The following KLRG2 variants were observed in gnomAD, a reference collection of about 807,000 sequenced individuals.
KLRG2 encodes the protein killer cell lectin like receptor G2.
Under a neutral mutation model 35.4 loss-of-function variants are expected in KLRG2, and 39 were observed. The observed-to-expected ratio is 1.10, with a 90% CI of 0.85 to 1.44. KLRG2 has a LOEUF of 1.44. Ranked by LOEUF, KLRG2 falls within the 40% of genes most tolerant of loss-of-function variation. KLRG2 has a pLI of 0.00. For missense variants in KLRG2, 632 were observed against 570.9 expected, an observed-to-expected ratio of 1.11 and a Z score of -1.09; for synonymous variants, 283 against 265.8, an observed-to-expected ratio of 1.06 and a Z score of -0.63.
At chr7:139,480,933 G>A (rs1051202792) in intron 1 of KLRG2, among the ~76,000 whole-genome samples, 2 of 151,848 alleles carry the variant, frequency 1.3e-5, no homozygotes, top group African/African-American at 4.8e-5. Context: ...TAGTAGAGAT[G>A]GGGTTTGACG....
the KLRG2 span, among the ~76,000 whole-genome samples, chr7:139,436,250 C>T: frequency 1.8e-4 from 27 of 152,052 alleles, 2 homozygotes; most frequent in South Asian, 4.6e-3. Flanking sequence ...TTTTTTTCCT[C>T]GAGTCTCATC....
chr7:139,472,819 G>A (rs1349045833), intron 3 of KLRG2, among the ~76,000 whole-genome samples: 1 of 152,140 alleles, frequency 6.6e-6, no homozygotes, highest in African/African-American at 2.4e-5. Context: ...AAAAAGGACC[G>A]GTTGAAAGTC....
chr7:139,481,975 T>C (rs1301389557), intron 1 of KLRG2, among the ~76,000 whole-genome samples: 1 of 151,996 alleles, frequency 6.6e-6, no homozygotes, highest in African/African-American at 2.4e-5. Context: ...ATTGGCTATC[T>C]CTTGCCCCAA....
At chr7:139,429,380 C>CTTT in the KLRG2 span, among the ~76,000 whole-genome samples, 5 of 143,218 alleles carry the variant, frequency 3.5e-5, no homozygotes, top group Non-Finnish European at 6.1e-5. Context: ...TTTTCTTTTT[C>CTTT]TTTTTCTTTT....
intron 3 of KLRG2, among the ~76,000 whole-genome samples, chr7:139,473,869 G>A (rs1796803882): frequency 6.6e-6 from 1 of 151,976 alleles, no homozygotes; most frequent in African/African-American, 2.4e-5. Context: ...AAACAAGGCA[G>A]CAAAAATGTA....
chr7:139,438,556 C>G, the KLRG2 span, among the ~76,000 whole-genome samples: 3,156 of 152,110 alleles, frequency 0.021, 140 homozygotes, highest in African/African-American at 0.071. Context: ...ATACACCGAT[C>G]GGTAGGGCTG....
At chr7:139,458,334 C>T (rs1211615050) in intron 3 of KLRG2, among the ~76,000 whole-genome samples, 1 of 151,726 alleles carries the variant, frequency 6.6e-6, no homozygotes, top group East Asian at 1.9e-4. Context: ...GCCATGATTG[C>T]ACCACTGCAC....
At chr7:139,468,786 GGTGCCCTAACCCCCA>G (rs1195110426) in intron 3 of KLRG2, among the ~76,000 whole-genome samples, 1 of 152,148 alleles carries the variant, frequency 6.6e-6, no homozygotes, top group Non-Finnish European at 1.5e-5. Flanking sequence ...TTCATATGTG[GGTGCCCTAACCCCCA>G]GTACCTCAAA....
At chr7:139,460,622 C>T (rs563635701) in intron 3 of KLRG2, among the ~76,000 whole-genome samples, 1 of 151,776 alleles carries the variant, frequency 6.6e-6, no homozygotes, top group African/African-American at 2.4e-5. Flanking sequence ...ATGATCACAA[C>T]ACTGCACTCC....
At chr7:139,477,150 G>C (rs2116475820) in intron 3 of KLRG2, among the ~76,000 whole-genome samples, 1 of 152,198 alleles carries the variant, frequency 6.6e-6, no homozygotes. Context: ...CAGCCCCTAT[G>C]GAAAACAGTA....
chr7:139,436,412 C>T, the KLRG2 span, among the ~76,000 whole-genome samples: 2 of 152,124 alleles, frequency 1.3e-5, no homozygotes, highest in Non-Finnish European at 2.9e-5. Context: ...GTAACAGTGA[C>T]AGCTTAGTGG....
chr7:139,455,793 A>G lies in KLRG2; in HGVS notation c.1006-1579T>C, dbSNP rs6971755. On this transcript the variant is annotated intron_variant, in intron 3 of 4. Coordinates refer to ENST00000340940, the MANE Select transcript of KLRG2 (RefSeq NM_198508.4). The stretch of plus-strand genomic sequence containing the variant: ...CACTCCTGCTCAAATGGGTGATTTC[A>G]CTGAGAAATAAATCCAAGAATATAA... Among the ~76,000 whole-genome samples the G allele has an allele frequency of 6.7e-3, 1,016 of 152,272 alleles. 11 individuals carry two copies. Among genetic ancestry groups the G allele is most frequent in the African/African-American group, 0.023 (975 of 41,560 alleles).
At chr7:139,447,805 TG>T (rs1173316876), downstream of KLRG2, among the ~76,000 whole-genome samples, 1 of 152,116 alleles carries the variant, frequency 6.6e-6, no homozygotes, top group Admixed American at 6.6e-5. Context: ...TGTAATTCTC[TG>T]CAAGCCTGGC....
At chr7:139,472,544 AG>A (rs1465220238) in intron 3 of KLRG2, among the ~76,000 whole-genome samples, 7 of 152,112 alleles carry the variant, frequency 4.6e-5, no homozygotes, top group African/African-American at 1.7e-4. Context: ...CAGGAGTTTA[AG>A]ACCAGCCTGG....
At chr7:139,461,353 A>T (rs1796563669) in intron 3 of KLRG2, among the ~76,000 whole-genome samples, 1 of 152,068 alleles carries the variant, frequency 6.6e-6, no homozygotes. Flanking sequence ...CTTCTCTGAC[A>T]CTCTGATCAA....
chr7:139,448,292 G>A (rs1193402875), downstream of KLRG2, among the ~76,000 whole-genome samples: 2 of 152,070 alleles, frequency 1.3e-5, no homozygotes, highest in African/African-American at 2.4e-5. Flanking sequence ...CACCACACCT[G>A]GCCAACATTT....
the KLRG2 span, among the ~76,000 whole-genome samples, chr7:139,442,520 T>C: frequency 1.3e-5 from 2 of 151,974 alleles, no homozygotes; most frequent in South Asian, 4.2e-4. Context: ...AAGACCAGAC[T>C]GGGCTACATA....
At chr7:139,451,498 C>CA (rs200220049), downstream of KLRG2, among the ~76,000 whole-genome samples, 38 of 150,242 alleles carry the variant, frequency 2.5e-4, no homozygotes, top group Middle Eastern at 3.4e-3. Flanking sequence ...GACTCGGCCT[C>CA]AAAAAAAAAT....
intron 3 of KLRG2, among the ~76,000 whole-genome samples, chr7:139,470,100 C>A (rs578205589): frequency 6.6e-6 from 1 of 151,926 alleles, no homozygotes; most frequent in East Asian, 1.9e-4. Flanking sequence ...GCTCTGTTGC[C>A]AGGCTTGAAT....
Sources: allele counts gnomAD v4.1 joint callset (sites outside exome capture counted in the v4.1 genomes callset), GRCh38; gene constraint gnomAD v4.1.1; transcripts MANE v1.5; gene names NCBI Gene and HGNC (gene_info 2026-07-23, HGNC 2026-07-21).